Variants in TMPRSS5 observed in about 807,000 individuals in gnomAD.
The protein encoded by TMPRSS5 is transmembrane serine protease 5, also known as transmembrane protease serine 5.
TMPRSS5 carries 45 observed loss-of-function variants against 59.7 expected under a neutral mutation model. That is an observed-to-expected ratio of 0.75 (90% CI 0.59 to 0.97). The LOEUF (loss-of-function observed/expected upper bound fraction) is 0.97. Among genes scored for constraint, TMPRSS5 ranks in the 50% least tolerant of loss-of-function variants. The pLI, the probability that TMPRSS5 is intolerant of heterozygous loss-of-function variation, is 0.00. For missense variants in TMPRSS5, 585 were observed against 596.7 expected, an observed-to-expected ratio of 0.98 and a Z score of 0.20; for synonymous variants, 225 against 232.0, an observed-to-expected ratio of 0.97 and a Z score of 0.27.
chr11:113,688,204 G>T lies in TMPRSS5; in HGVS notation c.*56C>A. The T allele has an allele frequency of 6.5e-7, 1 of 1,550,098 alleles. No individual in the cohort carries two copies. Among genetic ancestry groups the T allele is most frequent in the South Asian group, 1.2e-5 (1 of 81,294 alleles). On this transcript the variant is annotated 3_prime_UTR_variant, in exon 13 of 13. Coordinates refer to ENST00000299882, the MANE Select transcript of TMPRSS5 (RefSeq NM_030770.4). Reference sequence around the variant, plus strand: ...CTCCTCCATTAGTGGAGCTGCTGGAGGCCCCAGGAAGCATGAGGCAGTGGT... The same window carrying T: ...CTCCTCCATTAGTGGAGCTGCTGGATGCCCCAGGAAGCATGAGGCAGTGGT...
chr11:113,695,353 A>C (rs779582878), intron 7 of TMPRSS5, 47 bp downstream of exon 7: 4 of 1,599,472 alleles, frequency 2.5e-6, no homozygotes, highest in Non-Finnish European at 3.4e-6. Context: ...CAGGGGGAAC[A>C]CCCCTTCCTC....
At chr11:113,697,032 A>G in intron 5 of TMPRSS5, 61 bp from the exon 6 acceptor site, 1 of 1,318,422 alleles carries the variant, frequency 7.6e-7, no homozygotes, top group Non-Finnish European at 1.1e-6. Context: ...ACGAGATATA[A>G]TACTAGTATA....
At chr11:113,693,321 GA>G in intron 8 of TMPRSS5, 72 bp from the exon 9 acceptor site, 1 of 1,429,928 alleles carries the variant, frequency 7.0e-7, no homozygotes, top group Non-Finnish European at 9.2e-7. Context: ...GTAGCAGGTG[GA>G]GGAAGCTGGC....
chr11:113,704,924 G>A (rs1024713188), intron 1 of TMPRSS5, among the ~76,000 whole-genome samples: 1 of 151,614 alleles, frequency 6.6e-6, no homozygotes, highest in Non-Finnish European at 1.5e-5. Context: ...AAGATAATGT[G>A]AATTAAAATG....
intron 1 of TMPRSS5, among the ~76,000 whole-genome samples, chr11:113,702,195 G>A (rs911904326): frequency 2.0e-5 from 3 of 152,152 alleles, no homozygotes; most frequent in Non-Finnish European, 4.4e-5. Flanking sequence ...ATCATTGATG[G>A]GCATTTGAGT....
At position 113,689,890 on chromosome 11, in the gene TMPRSS5, G is replaced by T. The variant is rs1182483701; in HGVS notation, c.1234C>A (p.Pro412Thr). ...QGDSGGPLVC[P>T]DGDTWRLVGV... ...ACTAGGCGCCATGTGTCCCCATCTG[G>T]GCACACTAGGGGGCCCCCGCTATCT... is the stretch of plus-strand genomic sequence containing the variant. The change falls in exon 12 of 13, where the codon CCA (proline) becomes ACA (threonine). Residue 412 changes from proline (P) to threonine (T), a missense_variant. By Grantham distance (38) the Pro-to-Thr change is conservative. Coordinates refer to ENST00000299882, the MANE Select transcript of TMPRSS5 (RefSeq NM_030770.4). 3 of 1,569,288 alleles carry T rather than the reference G, an allele frequency of 1.9e-6. No homozygotes were observed. In the East Asian group the frequency reaches 7.1e-5, roughly 37 times the overall value.
intron 1 of TMPRSS5, among the ~76,000 whole-genome samples, chr11:113,701,272 G>A (rs1407228960): frequency 6.6e-6 from 1 of 152,172 alleles, no homozygotes; most frequent in East Asian, 1.9e-4. Context: ...AGGAAGATGT[G>A]GGAAAGTTTA....
At position 113,688,059 on chromosome 11, in the gene TMPRSS5, C is replaced by T. The variant is rs1392737863; in HGVS notation, c.*201G>A. The T allele has an allele frequency of 5.3e-6, 4 of 751,844 alleles. No individual in the cohort carries two copies. Among genetic ancestry groups the T allele is most frequent in the Non-Finnish European group, 5.7e-6 (3 of 530,792 alleles). 46.6% of individuals were successfully genotyped at this position (751,844 alleles called of 1,614,324 possible). A position where few individuals can be genotyped will look rare whatever the true frequency, so the allele number is the denominator to read the frequency against. ...ATTGAGTCTCTAGTGAGAAAGAGGA[C>T]TCTGAAATCAGGGCCCAAGAGGAGA... On this transcript the variant is annotated 3_prime_UTR_variant, in exon 13 of 13. Transcript: ENST00000299882.
In TMPRSS5 at chr11:113,693,170, C is replaced by G. The variant is rs1565257563; in HGVS notation, c.865G>C (p.Ala289Pro). The part of the protein sequence containing the change: ...SHSAVRPHQG[A>P]LVERIIPHPL... ...TGTGGGATAATCCTCTCCACCAGAG[C>G]CCCTTGGTGGGGCCTGACGGCACTG... The change falls in exon 9 of 13, where the codon GCT (alanine) becomes CCT (proline). Residue 289 changes from alanine (A) to proline (P), a missense_variant. Transcript: ENST00000299882. 5 of 1,603,650 alleles carry G rather than the reference C, an allele frequency of 3.1e-6. 1 individual carries two copies. The South Asian group carries it at 4.5e-5, about 14-fold the overall frequency.
chr11:113,695,779 A>G (rs1952911300), intron 6 of TMPRSS5, among the ~76,000 whole-genome samples: 1 of 152,166 alleles, frequency 6.6e-6, no homozygotes, highest in Non-Finnish European at 1.5e-5. Flanking sequence ...CTGAATGAAT[A>G]CACACTCAAT....
At chr11:113,695,555 G>T in intron 6 of TMPRSS5, 112 bp from the exon 7 acceptor site, 1 of 1,050,628 alleles carries the variant, frequency 9.5e-7, no homozygotes, top group Non-Finnish European at 1.5e-6. Flanking sequence ...CAGTTCTTAA[G>T]GCTGTCATGT....
Position 113,706,150 on chromosome 11 carries a change from A to G in TMPRSS5, c.3+72T>C, listed in dbSNP as rs1406384874. The G allele has an allele frequency of 5.8e-6, 9 of 1,547,430 alleles. No homozygotes were observed. The Admixed American group carries it at 1.7e-4, about 30-fold the overall frequency. ...GCTCTTTCCACCAGCCTAGAATCCC[A>G]AGGGCAGAGGAGGGAGAGAGAAAGA... On this transcript the variant is annotated intron_variant, in intron 1 of 12. Transcript: ENST00000299882.
intron 1 of TMPRSS5, among the ~76,000 whole-genome samples, chr11:113,703,563 C>A (rs1461932632): frequency 6.6e-6 from 1 of 152,102 alleles, no homozygotes; most frequent in Non-Finnish European, 1.5e-5. Flanking sequence ...TGGAAGGGAC[C>A]AGGATAGAAT....
rs766042360 is a variant in TMPRSS5 at position 113,695,492 on chromosome 11, G to T, written c.579-49C>A. 2.5e-6 allele frequency: 4 copies of T among 1,590,958 alleles called. No homozygotes were observed. In the East Asian group the frequency reaches 6.7e-5, roughly 27 times the overall value. ...GAAGCTGGGCAGGGGCCGCCCTGCA[G>T]CCACACACATCCAAGGACGTGAAGA... On this transcript the variant is annotated intron_variant, in intron 6 of 12. Coordinates refer to ENST00000299882, the MANE Select transcript of TMPRSS5 (RefSeq NM_030770.4).
In TMPRSS5 at chr11:113,689,931, G is replaced by A. The variant is rs1345417881; in HGVS notation, c.1207-14C>T. On this transcript the variant is annotated splice_polypyrimidine_tract_variant and intron_variant, in intron 11 of 12. Transcript: ENST00000299882. ...CCCGCTATCTCCCTAAGGGATCCAG[G>A]CATGGAGACACAGAGAAACAGCCAG... 1 of 1,531,330 alleles carries A rather than the reference G, an allele frequency of 6.5e-7. No homozygotes were observed. Among genetic ancestry groups the A allele is most frequent in the Non-Finnish European group, 8.8e-7 (1 of 1,135,014 alleles). 94.9% of individuals were successfully genotyped at this position (1,531,330 alleles called of 1,614,324 possible).
chr11:113,692,035 G>A (rs1053116185), intron 9 of TMPRSS5, among the ~76,000 whole-genome samples: 16 of 151,726 alleles, frequency 1.1e-4, no homozygotes, highest in African/African-American at 3.9e-4. Context: ...CTACAGGCAT[G>A]AGCTACCACA....
At chr11:113,696,796 T>C (rs1952938682) in intron 6 of TMPRSS5, 62 bp downstream of exon 6, 4 of 1,163,914 alleles carry the variant, frequency 3.4e-6, no homozygotes, top group African/African-American at 3.1e-5. Flanking sequence ...AAGGAGATTT[T>C]TGCTGGATTG....
At chr11:113,697,099 G>C in intron 5 of TMPRSS5, 128 bp from the exon 6 acceptor site, 1 of 1,196,362 alleles carries the variant, frequency 8.4e-7, no homozygotes, top group Non-Finnish European at 1.2e-6. Context: ...TTAAAAAGCA[G>C]TAATACTCCA....
chr11:113,691,986 C>T (rs543001904), intron 9 of TMPRSS5, among the ~76,000 whole-genome samples: 1 of 149,898 alleles, frequency 6.7e-6, no homozygotes, highest in African/African-American at 2.5e-5. Context: ...CTCCCAGGTT[C>T]AAGTGATCCT....
Sources: allele counts gnomAD v4.1 joint callset (sites outside exome capture counted in the v4.1 genomes callset), GRCh38; gene constraint gnomAD v4.1.1; transcripts MANE v1.5; gene names NCBI Gene and HGNC (gene_info 2026-07-23, HGNC 2026-07-21).